ACAA1: variants seen among roughly 807,000 people sequenced by gnomAD.
The protein encoded by ACAA1 is 3-ketoacyl-CoA thiolase, peroxisomal.
In ACAA1, 44 loss-of-function variants were observed where a neutral mutation model predicts 48.8. The ratio of observed to expected loss-of-function variants is 0.90; its 90% CI spans 0.71 to 1.16. The LOEUF (loss-of-function observed/expected upper bound fraction) is 1.16, where lower values mean the gene tolerates loss of function less well. ACAA1 is among the 50% of genes most tolerant of loss of function. The probability of loss-of-function intolerance (pLI) is 0.00; values close to 1 mark genes in which losing one functional copy is unlikely to be tolerated. For missense variants in ACAA1, 512 were observed against 562.3 expected, an observed-to-expected ratio of 0.91 and a Z score of 0.90; for synonymous variants, 233 against 226.5, an observed-to-expected ratio of 1.03 and a Z score of -0.26.
rs908603382 is a variant in ACAA1 at position 38,136,503 on chromosome 3, G to A, written c.265+89C>T. On this transcript the variant is annotated intron_variant, in intron 2 of 11. Coordinates refer to ENST00000333167, the MANE Select transcript of ACAA1 (RefSeq NM_001607.4). ...GGTCAAGGCCATGGAGGTTCCCCCAGTGAAAATTCGGGGCGGGGAGGTGAG... is the reference window on the plus strand; with the variant it reads ...GGTCAAGGCCATGGAGGTTCCCCCAATGAAAATTCGGGGCGGGGAGGTGAG... 3.3e-5 allele frequency: 48 copies of A among 1,437,556 alleles called. 1 individual carries two copies. In the East Asian group the frequency reaches 1.1e-3, roughly 32 times the overall value. The allele number at this position is 1,437,556 out of a possible 1,614,324, so 89.1% of individuals were successfully genotyped here.
At chr3:38,130,850 T>C (rs1245274333) in intron 5 of ACAA1, among the ~76,000 whole-genome samples, 1 of 152,152 alleles carries the variant, frequency 6.6e-6, no homozygotes, top group African/African-American at 2.4e-5. Context: ...ATGCGTCCTC[T>C]CAAGAAATAC....
At position 38,123,325 on chromosome 3, in the gene ACAA1, C is replaced by T. The variant is rs576717732; in HGVS notation, c.1200-203G>A. On this transcript the variant is annotated intron_variant, in intron 11 of 11. Transcript: ENST00000333167. ...AGGCTAGTATCCCTTTCAAGGCTGG[C>T]CCTTAAGGAAAACAGGGATCATGCC... The T allele has an allele frequency of 2.9e-4, 166 of 580,504 alleles. 2 individuals are homozygous for T. The African/African-American group carries it at 2.9e-3, about 10-fold the overall frequency. 36.0% of individuals were successfully genotyped at this position (580,504 alleles called of 1,614,324 possible). A position where few individuals can be genotyped will look rare whatever the true frequency, so the allele number is the denominator to read the frequency against.
chr3:38,134,186 A>G, intron 2 of ACAA1, 177 bp from the exon 3 acceptor site: 1 of 626,556 alleles, frequency 1.6e-6, no homozygotes, highest in Non-Finnish European at 2.8e-6. Flanking sequence ...GCCATACAAC[A>G]GCTTGTCCTG....
intron 7 of ACAA1, chr3:38,127,561 T>C: frequency 1.7e-6 from 1 of 579,170 alleles, no homozygotes; most frequent in Non-Finnish European, 3.1e-6. Context: ...GAGGCCTAGC[T>C]AGGGCAAAGT....
In ACAA1 at chr3:38,136,861, T is replaced by A. The variant is rs968470179; in HGVS notation, c.171+4A>T. ...CACTCGGCGCCCAGACCCTCGGGCC[T>A]CACCTTGAAGCCGCCGCGGCCCGCC... On this transcript the variant is annotated splice_donor_region_variant and intron_variant, in intron 1 of 11. Transcript: ENST00000333167. The A allele has an allele frequency of 5.9e-6, 9 of 1,523,558 alleles. No individual in the cohort carries two copies. Among genetic ancestry groups the A allele is most frequent in the Non-Finnish European group, 7.9e-6 (9 of 1,140,938 alleles). The allele number at this position is 1,523,558 out of a possible 1,614,324, so 94.4% of individuals were successfully genotyped here.
Position 38,126,143 on chromosome 3 carries a change from T to G in ACAA1, c.997+19A>C, listed in dbSNP as rs747765792. On this transcript the variant is annotated intron_variant, in intron 9 of 11. Transcript: ENST00000333167. This position sits in a 1 kb window ranked among gnomAD's most constrained non-coding sequence, Gnocchi z 4.7. The stretch of plus-strand genomic sequence containing the variant: ...GGATCCAGGTGGGACCCAGATACTA[T>G]ATGAAGGAGCCACCTTACCTGCTTT... 1 of 1,610,578 alleles carries G rather than the reference T, an allele frequency of 6.2e-7. No individual in the cohort carries two copies. Among genetic ancestry groups the G allele is most frequent in the Middle Eastern group, 1.7e-4 (1 of 6,040 alleles).
In ACAA1 at chr3:38,137,022, T is replaced by C. The variant is rs773965743; in HGVS notation, c.14A>G (p.Gln5Arg). 25 of 1,565,528 alleles carry C rather than the reference T, an allele frequency of 1.6e-5. No homozygotes were observed. The highest frequency in any genetic ancestry group is 3.5e-6 in the Non-Finnish European group (4 of 1,157,738). Residue 5 changes from glutamine (Q) to arginine (R), a missense_variant, in exon 1 of 12, where the codon CAG (glutamine) becomes CGG (arginine). By Grantham distance (43) the Gln-to-Arg change is conservative. Transcript: ENST00000333167. MQRL[Q>R]VVLGHLRGPA... ...ACCCCTCAGGTGGCCCAGCACTACC[T>C]GCAGCCTCTGCATTGCGCAGGTCAA...
At chr3:38,130,838 C>T (rs187866199) in intron 5 of ACAA1, among the ~76,000 whole-genome samples, 1 of 152,356 alleles carries the variant, frequency 6.6e-6, no homozygotes, top group East Asian at 1.9e-4. Flanking sequence ...CAGGGGCCAG[C>T]AATGCGTCCT....
chr3:38,137,071 G>A lies in ACAA1; in HGVS notation c.-36C>T. 1 of 1,496,158 alleles carries A rather than the reference G, an allele frequency of 6.7e-7. No individual in the cohort carries two copies. The highest frequency in any genetic ancestry group is 8.9e-7 in the Non-Finnish European group (1 of 1,122,196). 92.7% of individuals were successfully genotyped at this position (1,496,158 alleles called of 1,614,324 possible). ...AACCCTGCAGACCAGCCACCAGTCC[G>A]GGAACTGACCGCGGAGTTAACAGAC... On this transcript the variant is annotated 5_prime_UTR_variant, in exon 1 of 12. Transcript: ENST00000333167.
chr3:38,137,013 A>G lies in ACAA1; in HGVS notation c.23T>C (p.Leu8Pro). The part of the protein sequence containing the change: MQRLQVV[L>P]GHLRGPADSG... Reference sequence around the variant, plus strand: ...ATCGGCCGGACCCCTCAGGTGGCCCAGCACTACCTGCAGCCTCTGCATTGC... The same window carrying G: ...ATCGGCCGGACCCCTCAGGTGGCCCGGCACTACCTGCAGCCTCTGCATTGC... Residue 8 changes from leucine to proline, a missense_variant, in exon 1 of 12, where the codon CTG becomes CCG. Leu to Pro is a moderately conservative substitution (Grantham distance 98). Coordinates refer to ENST00000333167, the MANE Select transcript of ACAA1 (RefSeq NM_001607.4). 1 of 1,567,470 alleles carries G rather than the reference A, an allele frequency of 6.4e-7. No individual in the cohort carries two copies. The highest frequency in any genetic ancestry group is 1.2e-5 in the South Asian group (1 of 85,330).
intron 11 of ACAA1, 144 bp from the exon 12 acceptor site, chr3:38,123,266 C>T: frequency 1.4e-6 from 1 of 709,112 alleles, no homozygotes; most frequent in Non-Finnish European, 2.5e-6. Context: ...TGGCCTCCCA[C>T]TTGGGCACAC....
Position 38,137,111 on chromosome 3 carries a change from G to C in ACAA1, c.-76C>G. 8.2e-7 allele frequency: 1 copy of C among 1,218,962 alleles called. No homozygotes were observed. Among genetic ancestry groups the C allele is most frequent in the Non-Finnish European group, 1.1e-6 (1 of 888,730 alleles). The allele number at this position is 1,218,962 out of a possible 1,614,324, so 75.5% of individuals were successfully genotyped here. ...AGTTAACAGACAGCCGTCCGCACACGCGCAGAACCACATCTCAGCCTCCAA... is the reference window on the plus strand; with the variant it reads ...AGTTAACAGACAGCCGTCCGCACACCCGCAGAACCACATCTCAGCCTCCAA... On this transcript the variant is annotated 5_prime_UTR_variant, in exon 1 of 12. Transcript: ENST00000333167.
chr3:38,125,398 A>G (rs1246732093), intron 11 of ACAA1, 167 bp downstream of exon 11: 1 of 782,136 alleles, frequency 1.3e-6, no homozygotes, highest in Non-Finnish European at 1.9e-6. Flanking sequence ...ACCAGCCAAG[A>G]CCTTAGGGAC....
At position 38,126,788 on chromosome 3, in the gene ACAA1, A is replaced by G; in HGVS notation, c.627-88T>C. On this transcript the variant is annotated intron_variant, in intron 7 of 11. Coordinates refer to ENST00000333167, the MANE Select transcript of ACAA1 (RefSeq NM_001607.4). The surrounding 1 kb of genome is among the most constrained non-coding windows in gnomAD (Gnocchi z 4.7). Reference sequence around the variant, plus strand: ...ACCCCTATCCATTTGGGTAGACACAAGCTCAGGCTGCTAAATTCAGGGACA... The same window carrying G: ...ACCCCTATCCATTTGGGTAGACACAGGCTCAGGCTGCTAAATTCAGGGACA... 1 of 1,510,708 alleles carries G rather than the reference A, an allele frequency of 6.6e-7. No individual in the cohort carries two copies. The highest frequency in any genetic ancestry group is 1.2e-5 in the South Asian group (1 of 86,038). 93.6% of individuals were successfully genotyped at this position (1,510,708 alleles called of 1,614,324 possible).
intron 6 of ACAA1, among the ~76,000 whole-genome samples, chr3:38,128,660 C>T (rs1700726411): frequency 6.6e-6 from 1 of 152,120 alleles, no homozygotes; most frequent in African/African-American, 2.4e-5. Context: ...GGCACGATCT[C>T]AGCTCACTGC....
intron 6 of ACAA1, 121 bp from the exon 7 acceptor site, chr3:38,127,987 G>T: frequency 1.1e-6 from 1 of 893,834 alleles, no homozygotes; most frequent in Non-Finnish European, 1.9e-6. Flanking sequence ...AGGATGTAAG[G>T]GCCAGTCCAT....
chr3:38,131,674 G>T, intron 4 of ACAA1, 36 bp from the exon 5 acceptor site: 2 of 1,611,456 alleles, frequency 1.2e-6, no homozygotes, highest in Non-Finnish European at 1.7e-6. Context: ...TCCTTTGCCA[G>T]AGTCCACCTG....
In ACAA1 at chr3:38,126,657, C is replaced by T. The variant is rs1247586737; in HGVS notation, c.670G>A (p.Val224Met). The T allele has an allele frequency of 6.2e-7, 1 of 1,614,144 alleles. No individual in the cohort carries two copies. Among genetic ancestry groups the T allele is most frequent in the Non-Finnish European group, 8.5e-7 (1 of 1,180,006 alleles). ...QSKGCFQAEI[V>M]PVTTTVHDDK... ...TCATGGACCGTGGTGGTCACAGGCA[C>T]AATCTCAGCTTGGAAACAGCCCTTG... is the stretch of plus-strand genomic sequence containing the variant. Residue 224 changes from valine to methionine, a missense_variant, in exon 8 of 12, where the codon GTG (valine) becomes ATG (methionine). Coordinates refer to ENST00000333167, the MANE Select transcript of ACAA1 (RefSeq NM_001607.4). The surrounding 1 kb of genome is among the most constrained non-coding windows in gnomAD (Gnocchi z 4.7).
intron 6 of ACAA1, among the ~76,000 whole-genome samples, chr3:38,128,886 C>A (rs143094393): frequency 4.6e-5 from 7 of 152,186 alleles, no homozygotes; most frequent in Non-Finnish European, 7.3e-5. Context: ...CCATCGCACC[C>A]GGCCAAATGC....
Sources: gnomAD v4.1 joint callset for allele counts (sites outside exome capture counted in the v4.1 genomes callset) on GRCh38, gnomAD v4.1.1 for gene constraint, Gnocchi (gnomAD v3.1) non-coding constraint, MANE v1.5 for transcripts, NCBI Gene and HGNC (gene_info 2026-07-23, HGNC 2026-07-21) for gene names.